LAT2: variants seen among roughly 807,000 people sequenced by gnomAD.
LAT2 encodes linker for activation of T cells family member 2.
LAT2 carries 23 observed loss-of-function variants against 43.4 expected under a neutral mutation model. The ratio of observed to expected loss-of-function variants is 0.53; its 90% CI spans 0.38 to 0.75. The LOEUF is 0.75. LAT2 is among the 30% of genes least tolerant of loss of function. The pLI is 0.00. For missense variants in LAT2, 284 were observed against 310.2 expected (o/e 0.92, Z 0.64); for synonymous variants, 128 against 123.2 (o/e 1.04, Z -0.26).
intron 13 of LAT2, among the ~76,000 whole-genome samples, chr7:74,228,514 G>A (rs1802578156): frequency 6.7e-6 from 1 of 148,364 alleles, no homozygotes; most frequent in Non-Finnish European, 1.5e-5. Flanking sequence ...GGCCAGGCGT[G>A]GTGGCTCACG....
At position 74,220,661 on chromosome 7, in the gene LAT2, C is replaced by A. The variant is rs374281559; in HGVS notation, c.301+42C>A. ...AGAAAGGGGGAGGCCATGGTGGGGGCCACACCCAGGGGCTCAGGCCCAATT... is the reference window on the plus strand; with the variant it reads ...AGAAAGGGGGAGGCCATGGTGGGGGACACACCCAGGGGCTCAGGCCCAATT... On this transcript the variant is annotated intron_variant, in intron 8 of 13. Coordinates refer to ENST00000460943, the MANE Select transcript of LAT2 (RefSeq NM_032464.3). The surrounding 1 kb of genome is among the most constrained non-coding windows in gnomAD (Gnocchi z 4.5). 1.7e-5 allele frequency: 28 copies of A among 1,613,634 alleles called. No homozygotes were observed. The African/African-American group carries it at 2.3e-4, about 13-fold the overall frequency.
intron 9 of LAT2, 93 bp from the exon 10 acceptor site, chr7:74,221,544 G>A: frequency 1.2e-6 from 1 of 849,990 alleles, no homozygotes; most frequent in East Asian, 2.8e-5. Context: ...AGCAATGGTG[G>A]GAGCAGCCCT....
At chr7:74,221,715 A>AGC in intron 10 of LAT2, 23 bp downstream of exon 10, 1 of 1,605,100 alleles carries the variant, frequency 6.2e-7, no homozygotes, top group African/African-American at 1.3e-5. Flanking sequence ...ACAAAGCCGG[A>AGC]GGTGGAGGAA....
intron 1 of LAT2, among the ~76,000 whole-genome samples, chr7:74,214,212 G>T (rs1278934657): frequency 1.4e-5 from 1 of 72,198 alleles, no homozygotes; most frequent in Non-Finnish European, 2.4e-5. Context: ...AAATATATAT[G>T]AAAATATATA....
chr7:74,211,859 T>A (rs782612502), intron 1 of LAT2, among the ~76,000 whole-genome samples: 2 of 152,158 alleles, frequency 1.3e-5, no homozygotes, highest in African/African-American at 4.8e-5. Flanking sequence ...CCCAAAGTGT[T>A]GGGATTACAG....
rs1802027966 is a variant in LAT2, at chr7:74,215,999, G to A, written c.24G>A (p.Leu8=). 1 of 1,614,088 alleles carries A rather than the reference G, an allele frequency of 6.2e-7. No individual in the cohort carries two copies. Among genetic ancestry groups the A allele is most frequent in the Non-Finnish European group, 8.5e-7 (1 of 1,180,022 alleles). Residue 8 remains leucine (L), a synonymous_variant, in exon 3 of 14, where the codon CTG becomes CTA. Transcript: ENST00000460943. MSSGTEL[L]WPGAALLVLL... is the part of the protein sequence containing the mutation. Reference sequence around the variant, plus strand: ...ACATGAGCTCGGGGACTGAACTGCTGTGGCCCGGAGCAGCGCTGCTGGTGC... The same window carrying A: ...ACATGAGCTCGGGGACTGAACTGCTATGGCCCGGAGCAGCGCTGCTGGTGC...
At chr7:74,217,055 G>C (rs1034726502) in intron 4 of LAT2, among the ~76,000 whole-genome samples, 191 bp downstream of exon 4, 2 of 152,276 alleles carry the variant, frequency 1.3e-5, no homozygotes, top group South Asian at 2.1e-4. Context: ...GCTGTAGCTT[G>C]GGTTAGGGAG....
In LAT2 at chr7:74,216,826, T is replaced by C. The variant is rs1802064492; in HGVS notation, c.96T>C (p.Gly32=). 1 of 1,613,810 alleles carries C rather than the reference T, an allele frequency of 6.2e-7. No individual in the cohort carries two copies. Among genetic ancestry groups the C allele is most frequent in the Non-Finnish European group, 8.5e-7 (1 of 1,179,796 alleles). ...ASLCVRCSRP[G]AKRSEKIYQQ... ...GCTAATCCTGGCCTTTTCTTGCAGG[T>C]GCAAAGAGGTCAGAGAAAATCTACC... Residue 32 remains glycine, a splice_region_variant and synonymous_variant, in exon 4 of 14, where the codon GGT becomes GGC. Coordinates refer to ENST00000460943, the MANE Select transcript of LAT2 (RefSeq NM_032464.3).
intron 1 of LAT2, 23 bp from the exon 2 acceptor site, chr7:74,214,785 ATATATATTTTTTTT>A (rs1554713985): frequency 1.2e-5 from 1 of 86,180 alleles, no homozygotes; most frequent in African/African-American, 5.5e-5. Flanking sequence ...AAATATATAT[ATATATATTTTTTTT>A]TTTTTTTGTA....
Position 74,229,588 on chromosome 7 carries a change from CT to C in LAT2, c.*665del, listed in dbSNP as rs1174182635. On this transcript the variant is annotated 3_prime_UTR_variant, in exon 14 of 14. Coordinates refer to ENST00000460943, the MANE Select transcript of LAT2 (RefSeq NM_032464.3). Reference sequence around the variant, plus strand: ...TTATGTGCTTCCAGTGGAAATGTCACTTGCTACAGACAATAGTGCATGAGAG... The same window carrying C: ...TTATGTGCTTCCAGTGGAAATGTCACTGCTACAGACAATAGTGCATGAGAG... 1.3e-5 allele frequency: 2 copies of C among 152,668 alleles called. No homozygotes were observed. Among genetic ancestry groups the C allele is most frequent in the Non-Finnish European group, 2.9e-5 (2 of 68,074 alleles). 9.5% of individuals were successfully genotyped at this position (152,668 alleles called of 1,614,324 possible).
At chr7:74,227,064 T>C (rs1802517569) in intron 13 of LAT2, among the ~76,000 whole-genome samples, 1 of 150,356 alleles carries the variant, frequency 6.7e-6, no homozygotes, top group Non-Finnish European at 1.5e-5. Context: ...TCTTTTTTTT[T>C]TTTTTTCGTT....
chr7:74,223,611 AG>A lies in LAT2; in HGVS notation c.389-110del, dbSNP rs1802372108. 3.0e-6 allele frequency: 3 copies of A among 984,286 alleles called. No homozygotes were observed. In the African/African-American group the frequency reaches 4.8e-5, roughly 16 times the overall value. 61.0% of individuals were successfully genotyped at this position (984,286 alleles called of 1,614,324 possible). A position where few individuals can be genotyped will look rare whatever the true frequency, so the allele number is the denominator to read the frequency against. The stretch of plus-strand genomic sequence containing the variant: ...GAGGTCCCGGGGGACCCAGAGGGCT[AG>A]GGCTTGGCGGAAGAGGTCCCCTGCA... On this transcript the variant is annotated intron_variant, in intron 10 of 13. Coordinates refer to ENST00000460943, the MANE Select transcript of LAT2 (RefSeq NM_032464.3).
intron 13 of LAT2, among the ~76,000 whole-genome samples, chr7:74,228,165 TAAAA>T (rs34339569): frequency 1.3e-4 from 3 of 22,384 alleles, no homozygotes; most frequent in Non-Finnish European, 2.2e-4. Context: ...AACTACGTCT[TAAAA>T]AAAAAAAAAA....
chr7:74,221,128 G>A (rs959599275), intron 9 of LAT2, among the ~76,000 whole-genome samples: 38 of 152,042 alleles, frequency 2.5e-4, no homozygotes, highest in Non-Finnish European at 1.9e-4. Context: ...ACATAGCAAG[G>A]TGGCTCACCA....
chr7:74,211,507 G>A (rs1801736298), intron 1 of LAT2, among the ~76,000 whole-genome samples: 2 of 151,708 alleles, frequency 1.3e-5, no homozygotes, highest in Non-Finnish European at 2.9e-5. Context: ...CCCAGGCTGG[G>A]AGTGCAGTGG....
chr7:74,218,910 C>G (rs1293890943), intron 4 of LAT2, among the ~76,000 whole-genome samples: 1 of 146,130 alleles, frequency 6.8e-6, no homozygotes, highest in Non-Finnish European at 1.5e-5. Flanking sequence ...GTTGGTCAGG[C>G]TGGTCTTGAA....
At chr7:74,214,740 AATATATAAATATATATATATAAACATAT>A (rs1563968575) in intron 1 of LAT2, 54 bp from the exon 2 acceptor site, 25 of 97,676 alleles carry the variant, frequency 2.6e-4, no homozygotes, top group African/African-American at 9.3e-4. Context: ...TATATATAAA[AATATATAAATATATATATATAAACATAT>A]ATATATAAAT....
chr7:74,223,836 G>A, intron 11 of LAT2, 53 bp downstream of exon 11: 2 of 1,578,280 alleles, frequency 1.3e-6, no homozygotes, highest in East Asian at 2.2e-5. Context: ...AGGCCTCCTT[G>A]GCCAGGTGCC....
rs74795836 is a variant in LAT2 at position 74,215,847 on chromosome 7, G to A, written c.-29-100G>A. The A allele has an allele frequency of 0.01, 8,266 of 818,926 alleles. 437 individuals are homozygous for A. The African/African-American group carries it at 0.11, about 11-fold the overall frequency. 50.7% of individuals were successfully genotyped at this position (818,926 alleles called of 1,614,324 possible). A position where few individuals can be genotyped will look rare whatever the true frequency, so the allele number is the denominator to read the frequency against. On this transcript the variant is annotated intron_variant, in intron 2 of 13. Transcript: ENST00000460943. ...AGCGGGGAGGGGAGGTGGTGTTTCCGCAGCCTAGGCTCAGGTATGGGGCTG... is the reference window on the plus strand; with the variant it reads ...AGCGGGGAGGGGAGGTGGTGTTTCCACAGCCTAGGCTCAGGTATGGGGCTG...
Sources: gnomAD v4.1 joint callset for allele counts (sites outside exome capture counted in the v4.1 genomes callset) on GRCh38, gnomAD v4.1.1 for gene constraint, Gnocchi (gnomAD v3.1) non-coding constraint, MANE v1.5 for transcripts, NCBI Gene and HGNC (gene_info 2026-07-23, HGNC 2026-07-21) for gene names.